The following SCN11A variants were observed in gnomAD, a reference collection of about 807,000 sequenced individuals.
SCN11A encodes sodium voltage-gated channel alpha subunit 11.
SCN11A carries 122 observed loss-of-function variants against 162.2 expected under a neutral mutation model. The observed-to-expected ratio is 0.75, with a 90% CI of 0.65 to 0.87. The LOEUF (loss-of-function observed/expected upper bound fraction) is 0.87. Among genes scored for constraint, SCN11A ranks in the 40% least tolerant of loss-of-function variants. The pLI is 0.00. For synonymous variants in SCN11A, 758 were observed against 751.5 expected, an observed-to-expected ratio of 1.01 and a Z score of -0.14; for missense variants, 2,015 against 2,181.6, an observed-to-expected ratio of 0.92 and a Z score of 1.52.
intron 21 of SCN11A, among the ~76,000 whole-genome samples, chr3:38,884,863 C>G (rs189856382): frequency 3.0e-4 from 45 of 152,354 alleles, no homozygotes; most frequent in African/African-American, 1.0e-3. Flanking sequence ...ACAAGTCACA[C>G]AGCTCATAAG....
At chr3:38,937,066 C>A (rs559318157) in intron 7 of SCN11A, among the ~76,000 whole-genome samples, 1 of 151,866 alleles carries the variant, frequency 6.6e-6, no homozygotes, top group Non-Finnish European at 1.5e-5. Context: ...GAAACAACGC[C>A]GCATATCTAC....
chr3:39,028,202 A>G (rs1200599778), intron 2 of SCN11A, among the ~76,000 whole-genome samples: 2 of 152,198 alleles, frequency 1.3e-5, no homozygotes, highest in African/African-American at 4.8e-5. Context: ...CAGACCACCC[A>G]TCTGGTCACT....
intron 5 of SCN11A, among the ~76,000 whole-genome samples, chr3:38,949,021 G>A (rs1232181599): frequency 6.6e-6 from 1 of 152,084 alleles, no homozygotes; most frequent in Non-Finnish European, 1.5e-5. Flanking sequence ...GTCCTCATTT[G>A]GCCTGGCAAC....
At chr3:38,853,873 T>C (rs2064824436) in intron 28 of SCN11A, among the ~76,000 whole-genome samples, 2 of 152,176 alleles carry the variant, frequency 1.3e-5, no homozygotes, top group African/African-American at 4.8e-5. Flanking sequence ...TATAACCCAA[T>C]GCTCTAAAGT....
At chr3:39,001,009 C>A (rs1327583225) in intron 2 of SCN11A, among the ~76,000 whole-genome samples, 1 of 152,140 alleles carries the variant, frequency 6.6e-6, no homozygotes, top group Non-Finnish European at 1.5e-5. Flanking sequence ...TGCACTCCAG[C>A]CTGAGTGACA....
chr3:39,049,207 G>C (rs980270505), intron 1 of SCN11A, among the ~76,000 whole-genome samples: 1 of 152,214 alleles, frequency 6.6e-6, no homozygotes, highest in Non-Finnish European at 1.5e-5. Context: ...ATCAAAAAGG[G>C]TTATCTCCCA....
In SCN11A at chr3:38,995,799, G is replaced by GTCTATCTATCTATCTGTCTGTCTATCTA. The variant is rs1553648575; in HGVS notation, c.-279-35377_-279-35376insTAGATAGACAGACAGATAGATAGATAGA. On this transcript the variant is annotated intron_variant, in intron 2 of 29. Transcript: ENST00000302328. ...GTGAGCCAATTTCTCACAATAAATT[G>GTCTATCTATCTATCTGTCTGTCTATCTA]TCTATCTATCTATCTATCTGTCTAT... is the stretch of plus-strand genomic sequence containing the variant. Among the ~76,000 whole-genome samples, 281 of 131,474 alleles carry GTCTATCTATCTATCTGTCTGTCTATCTA rather than the reference G, an allele frequency of 2.1e-3. 1 individual carries two copies. The highest frequency in any genetic ancestry group is 8.2e-3 in the African/African-American group (271 of 33,170). 86.3% of individuals were successfully genotyped at this position (131,474 alleles called of 152,430 possible).
At chr3:38,963,356 T>G (rs1172252890) in intron 2 of SCN11A, among the ~76,000 whole-genome samples, 5 of 66,452 alleles carry the variant, frequency 7.5e-5, no homozygotes, top group African/African-American at 4.6e-4. Flanking sequence ...TTGATGGATA[T>G]ATATATATAT....
intron 16 of SCN11A, among the ~76,000 whole-genome samples, chr3:38,903,129 A>G (rs763626116): frequency 4.6e-5 from 7 of 152,220 alleles, no homozygotes; most frequent in Non-Finnish European, 8.8e-5. Context: ...AAGGCTAGAC[A>G]TTCTGGTAAG....
intron 22 of SCN11A, among the ~76,000 whole-genome samples, chr3:38,882,234 C>A (rs1289169886): frequency 6.6e-6 from 1 of 152,168 alleles, no homozygotes; most frequent in Non-Finnish European, 1.5e-5. Flanking sequence ...GTATTCATCT[C>A]TTTTCACCTA....
chr3:38,951,443 T>A (rs1449509075), intron 4 of SCN11A, among the ~76,000 whole-genome samples: 1 of 152,252 alleles, frequency 6.6e-6, no homozygotes, highest in Non-Finnish European at 1.5e-5. Flanking sequence ...ACTCCCTCCA[T>A]GGGCTCCTGT....
rs1355736033 is a variant in SCN11A at position 38,957,451 on chromosome 3, A to G, written c.-139+2832T>C. Among the ~76,000 whole-genome samples the G allele has an allele frequency of 3.9e-5, 6 of 152,162 alleles. No individual in the cohort carries two copies. The East Asian group carries it at 9.7e-4, about 24-fold the overall frequency. On this transcript the variant is annotated intron_variant, in intron 3 of 29. Transcript: ENST00000302328. The stretch of plus-strand genomic sequence containing the variant: ...AGATATCAAGCACGACAGGCTCCCA[A>G]TCCCCTTGGGCCATGAAGGAAACAA...
chr3:38,877,825 A>G (rs889703942), intron 23 of SCN11A, among the ~76,000 whole-genome samples: 4 of 149,918 alleles, frequency 2.7e-5, no homozygotes, highest in African/African-American at 9.9e-5. Context: ...TACATACACC[A>G]TGGAATACTA....
intron 1 of SCN11A, among the ~76,000 whole-genome samples, chr3:39,034,572 T>C (rs1268042291): frequency 1.3e-5 from 2 of 152,240 alleles, no homozygotes; most frequent in African/African-American, 4.8e-5. Context: ...CTTTCATCAC[T>C]GTTATTGAAT....
chr3:38,997,203 T>C (rs2030670407), intron 2 of SCN11A, among the ~76,000 whole-genome samples: 1 of 152,214 alleles, frequency 6.6e-6, no homozygotes, highest in African/African-American at 2.4e-5. Flanking sequence ...TTCTATCTGC[T>C]TCACTCCCAT....
intron 18 of SCN11A, among the ~76,000 whole-genome samples, chr3:38,895,522 C>T (rs144536662): frequency 4.1e-4 from 62 of 152,342 alleles, no homozygotes; most frequent in Non-Finnish European, 6.5e-4. Flanking sequence ...TTCAAATTCA[C>T]ATAATCCCAA....
At chr3:38,951,457 GC>G (rs1257831069) in intron 4 of SCN11A, among the ~76,000 whole-genome samples, 8 of 152,236 alleles carry the variant, frequency 5.3e-5, no homozygotes, top group Non-Finnish European at 1.0e-4. Context: ...CTCCTGTGCG[GC>G]CGGAGCCTCC....
At chr3:38,933,426 G>C (rs1293365797) in intron 7 of SCN11A, among the ~76,000 whole-genome samples, 3 of 152,156 alleles carry the variant, frequency 2.0e-5, no homozygotes, top group Admixed American at 6.5e-5. Context: ...AAACTACTCC[G>C]AGCTACAGGA....
chr3:38,977,572 G>C (rs1044330221), intron 2 of SCN11A, among the ~76,000 whole-genome samples: 3 of 152,170 alleles, frequency 2.0e-5, no homozygotes, highest in African/African-American at 7.2e-5. Flanking sequence ...TGTTAGTGTT[G>C]TTTGTGTTTT....
Sources: gnomAD v4.1 joint callset for allele counts (sites outside exome capture counted in the v4.1 genomes callset) on GRCh38, gnomAD v4.1.1 for gene constraint, MANE v1.5 for transcripts, NCBI Gene and HGNC (gene_info 2026-07-23, HGNC 2026-07-21) for gene names.